LSM14A: variants seen among roughly 807,000 people sequenced by gnomAD.
The protein encoded by LSM14A is protein LSM14 homolog A.
In LSM14A, 14 loss-of-function variants were observed where a neutral mutation model predicts 52.4. The ratio of observed to expected loss-of-function variants is 0.27; its 90% confidence interval spans 0.18 to 0.42. The LOEUF (loss-of-function observed/expected upper bound fraction) is 0.42, where lower values mean the gene tolerates loss of function less well. Ranked by LOEUF, LSM14A falls within the 10% of genes least tolerant of loss-of-function variation. The pLI is 1.00. For missense variants in LSM14A, 417 were observed against 581.8 expected, an observed-to-expected ratio of 0.72 and a Z score of 2.91; for synonymous variants, 185 against 200.3, an observed-to-expected ratio of 0.92 and a Z score of 0.64.
At chr19:34,223,976 T>C (rs960706693) in intron 9 of LSM14A, among the ~76,000 whole-genome samples, 1 of 152,178 alleles carries the variant, frequency 6.6e-6, no homozygotes, top group Non-Finnish European at 1.5e-5. Flanking sequence ...GTATCTCTTA[T>C]AGGGGCTGGG....
At chr19:34,226,295 T>C in intron 9 of LSM14A, 2 of 1,086,378 alleles carry the variant, frequency 1.8e-6, no homozygotes, top group Non-Finnish European at 2.6e-6. Context: ...ACAAGGTGTC[T>C]GAATGACTCA....
intron 1 of LSM14A, 85 bp downstream of exon 1, chr19:34,172,848 C>T: frequency 2.9e-6 from 4 of 1,400,448 alleles, no homozygotes; most frequent in Non-Finnish European, 3.8e-6. Flanking sequence ...CCTCCTCGTT[C>T]CCTCCCCTCC....
At chr19:34,221,955 A>T in intron 9 of LSM14A, 3 of 660,124 alleles carry the variant, frequency 4.5e-6, no homozygotes, top group Non-Finnish European at 5.6e-6. Flanking sequence ...ATGTTAACAG[A>T]ATATACTTTT....
intron 1 of LSM14A, among the ~76,000 whole-genome samples, chr19:34,173,595 C>G (rs1014941949): frequency 3.9e-5 from 6 of 152,184 alleles, no homozygotes; most frequent in African/African-American, 1.4e-4. Context: ...TTTGGCATCC[C>G]TAGAGTCTGT....
chr19:34,172,809 T>G, intron 1 of LSM14A, 46 bp downstream of exon 1: 11 of 1,513,514 alleles, frequency 7.3e-6, no homozygotes, highest in Non-Finnish European at 9.7e-6. Flanking sequence ...CGGGCGCCGC[T>G]CGGGGCTGCT....
In LSM14A at chr19:34,228,552, C is replaced by T. The variant is rs2073453340; in HGVS notation, c.*1164C>T. ...TTTGGTAGCCTGTAACACACGGCAA[C>T]ACTGGTCCTTGGGCCTATGATGACC... On this transcript the variant is annotated 3_prime_UTR_variant, in exon 10 of 10. Coordinates refer to ENST00000544216, the MANE Select transcript of LSM14A (RefSeq NM_015578.4). The T allele has an allele frequency of 7.1e-6, 1 of 140,690 alleles. No individual in the cohort carries two copies. The highest frequency in any genetic ancestry group is 2.2e-4 in the South Asian group (1 of 4,524). 8.7% of individuals were successfully genotyped at this position (140,690 alleles called of 1,614,324 possible). A position where few individuals can be genotyped will look rare whatever the true frequency, so the allele number is the denominator to read the frequency against.
chr19:34,228,691 A>G lies in LSM14A; in HGVS notation c.*1303A>G, dbSNP rs1362489546. 1 of 152,688 alleles carries G rather than the reference A, an allele frequency of 6.5e-6. No individual in the cohort carries two copies. The highest frequency in any genetic ancestry group is 6.5e-5 in the Admixed American group (1 of 15,284). 9.5% of individuals were successfully genotyped at this position (152,688 alleles called of 1,614,324 possible). On this transcript the variant is annotated 3_prime_UTR_variant, in exon 10 of 10. Transcript: ENST00000544216. ...CCACTTTTGTGTTTTTATGAAGGCCATGGAATAAAAGGATCCAAAGATTTA... is the reference window on the plus strand; with the variant it reads ...CCACTTTTGTGTTTTTATGAAGGCCGTGGAATAAAAGGATCCAAAGATTTA...
intron 2 of LSM14A, among the ~76,000 whole-genome samples, chr19:34,194,865 TCAA>T (rs1433867287): frequency 2.6e-5 from 4 of 152,242 alleles, no homozygotes. Flanking sequence ...TTTTCTAATT[TCAA>T]CAACAATTAC....
Position 34,219,587 on chromosome 19 carries a change from T to A in LSM14A, c.964+14T>A. The A allele has an allele frequency of 1.9e-6, 3 of 1,598,118 alleles. No homozygotes were observed. Among genetic ancestry groups the A allele is most frequent in the Middle Eastern group, 1.7e-4 (1 of 5,984 alleles). ...TTAAATTAAAAGGTAAGCTTTGATT[T>A]TTCTTTTCAGAAAATAATCTTATTT... On this transcript the variant is annotated intron_variant, in intron 7 of 9. Transcript: ENST00000544216.
Position 34,196,709 on chromosome 19 carries a change from A to T in LSM14A, c.361A>T (p.Ser121Cys), listed in dbSNP as rs772268157. Reference protein sequence around the residue: ...YGPFGRMPTYSQFSPSSLVGQ... With the variant: ...YGPFGRMPTYCQFSPSSLVGQ... ...ACCTTTCGGCAGGATGCCCACATAC[A>T]GTCAGTTCAGTCCGAGTTCCTTAGT... The change falls in exon 3 of 10, where the codon AGT becomes TGT. Residue 121 changes from serine (S) to cysteine (C), a missense_variant. By Grantham distance (112) the Ser-to-Cys change is moderately radical. This residue lies in a region of LSM14A where 357 missense variants were observed against 457.0 expected (regional missense o/e 0.78). Transcript: ENST00000544216. The T allele has an allele frequency of 6.2e-7, 1 of 1,613,560 alleles. No individual in the cohort carries two copies. The highest frequency in any genetic ancestry group is 1.7e-5 in the Admixed American group (1 of 59,914).
intron 1 of LSM14A, among the ~76,000 whole-genome samples, chr19:34,192,211 C>T (rs924409854): frequency 4.2e-4 from 64 of 151,308 alleles, no homozygotes; most frequent in Admixed American, 4.2e-3. Context: ...GATCTTCTGC[C>T]AAACTACCTG....
rs2073445313 is a variant in LSM14A at position 34,228,364 on chromosome 19, A to C, written c.*976A>C. ...ACAAATGTAAATAATCACAGATGAG[A>C]ATGTACTTAGCTGTATTTTCAAATA... is the stretch of plus-strand genomic sequence containing the variant. On this transcript the variant is annotated 3_prime_UTR_variant, in exon 10 of 10. Transcript: ENST00000544216. 6.6e-6 allele frequency: 1 copy of C among 152,654 alleles called. No individual in the cohort carries two copies. Among genetic ancestry groups the C allele is most frequent in the Admixed American group, 6.5e-5 (1 of 15,282 alleles). The allele number at this position is 152,654 out of a possible 1,614,324, so 9.5% of individuals were successfully genotyped here.
At position 34,219,749 on chromosome 19, in the gene LSM14A, T is replaced by C. The variant is rs2072926179; in HGVS notation, c.1008T>C (p.Asp336=). Residue 336 remains aspartate, a synonymous_variant, in exon 8 of 10, where the codon GAT becomes GAC. Transcript: ENST00000544216. ...EKQEKPVNGE[D]KGDSGVDTQN... Reference sequence around the variant, plus strand: ...AGGAGAAGCCTGTAAATGGTGAAGATAAAGGAGACTCAGGAGTTGATACCC... The same window carrying C: ...AGGAGAAGCCTGTAAATGGTGAAGACAAAGGAGACTCAGGAGTTGATACCC... 6.2e-7 allele frequency: 1 copy of C among 1,613,710 alleles called. No homozygotes were observed. Among genetic ancestry groups the C allele is most frequent in the African/African-American group, 1.3e-5 (1 of 74,898 alleles).
rs1363835822 is a variant in LSM14A at position 34,227,518 on chromosome 19, T to G, written c.*130T>G. 4.4e-6 allele frequency: 3 copies of G among 678,530 alleles called. No homozygotes were observed. Among genetic ancestry groups the G allele is most frequent in the East Asian group, 2.9e-5 (1 of 34,102 alleles). 42.0% of individuals were successfully genotyped at this position (678,530 alleles called of 1,614,324 possible). A position where few individuals can be genotyped will look rare whatever the true frequency, so the allele number is the denominator to read the frequency against. ...TGTCACCAGCACTGGGTTTTTGTTT[T>G]TTGTTTGTTTTTCCGCTTAATTTCA... On this transcript the variant is annotated 3_prime_UTR_variant, in exon 10 of 10. Coordinates refer to ENST00000544216, the MANE Select transcript of LSM14A (RefSeq NM_015578.4).
intron 1 of LSM14A, among the ~76,000 whole-genome samples, chr19:34,173,777 C>T (rs2068883371): frequency 6.6e-6 from 1 of 152,172 alleles, no homozygotes; most frequent in African/African-American, 2.4e-5. Context: ...GAGGTGGGAA[C>T]TGCATAGCAT....
intron 3 of LSM14A, 81 bp downstream of exon 3, chr19:34,196,844 C>A: frequency 8.8e-7 from 1 of 1,136,496 alleles, no homozygotes; most frequent in Non-Finnish European, 1.2e-6. Context: ...TCAACACCAA[C>A]TATTAGAAAT....
At chr19:34,213,738 A>G (rs2072341122) in intron 4 of LSM14A, among the ~76,000 whole-genome samples, 1 of 152,214 alleles carries the variant, frequency 6.6e-6, no homozygotes, top group Non-Finnish European at 1.5e-5. Flanking sequence ...ATAAAAGGAA[A>G]AATATAATGT....
chr19:34,216,162 C>A (rs1315230828), intron 6 of LSM14A, among the ~76,000 whole-genome samples: 2 of 151,978 alleles, frequency 1.3e-5, no homozygotes, highest in East Asian at 1.9e-4. Context: ...GCCTGTAATT[C>A]CAGCACTTTG....
At position 34,215,176 on chromosome 19, in the gene LSM14A, A is replaced by G; in HGVS notation, c.591A>G (p.Gln197=). 1.9e-6 allele frequency: 3 copies of G among 1,614,094 alleles called. No individual in the cohort carries two copies. Among genetic ancestry groups the G allele is most frequent in the Non-Finnish European group, 2.5e-6 (3 of 1,180,010 alleles). ...TGAGAAAAAGCCCAACCATGGAACAAGCAGTGCAGACCGCCTCAGCCCACT... is the reference window on the plus strand; with the variant it reads ...TGAGAAAAAGCCCAACCATGGAACAGGCAGTGCAGACCGCCTCAGCCCACT... ...DPLRKSPTME[Q]AVQTASAHLP... The change falls in exon 5 of 10, where the codon CAA becomes CAG. Residue 197 remains glutamine, a synonymous_variant. Transcript: ENST00000544216.
Sources: allele counts gnomAD v4.1 joint callset (sites outside exome capture counted in the v4.1 genomes callset), GRCh38; gene constraint gnomAD v4.1.1; regional missense constraint gnomAD v4.1.1; transcripts MANE v1.5; gene names NCBI Gene and HGNC (gene_info 2026-07-23, HGNC 2026-07-21).